Variants in SYNE2 observed in about 807,000 individuals in gnomAD.
SYNE2 encodes the protein nesprin-2.
In SYNE2, 431 loss-of-function variants were observed where a neutral mutation model predicts 856.3. That is an observed-to-expected ratio of 0.50 (90% confidence interval 0.47 to 0.55). The LOEUF (loss-of-function observed/expected upper bound fraction) is 0.55, where lower values mean the gene tolerates loss of function less well. SYNE2 is among the 20% of genes least tolerant of loss of function. The pLI, the probability that SYNE2 is intolerant of heterozygous loss-of-function variation, is 0.00. For missense variants in SYNE2, 8,129 were observed against 8,023.2 expected (o/e 1.01, Z -0.50); for synonymous variants, 2,923 against 2,872.3 (o/e 1.02, Z -0.56).
chr14:64,210,074 C>T lies in SYNE2; in HGVS notation c.18673C>T (p.Arg6225Cys), dbSNP rs773610152. 8 of 1,613,978 alleles carry T rather than the reference C, an allele frequency of 5.0e-6. No individual in the cohort carries two copies. Among genetic ancestry groups the T allele is most frequent in the African/African-American group, 2.7e-5 (2 of 74,930 alleles). The change falls in exon 103 of 116, where the codon CGC becomes TGC. Residue 6225 changes from arginine (R) to cysteine (C), a missense_variant. Arg to Cys is a radical substitution (Grantham distance 180, BLOSUM62 -3). Coordinates refer to ENST00000555002, the MANE Select transcript of SYNE2 (RefSeq NM_182914.3). ...GCAGATGGTCCACGAGGGCAACCAG[C>T]GCTGGGACAACCTTCAGAGGCGGGT... ...LKQMVHEGNQ[R>C]WDNLQRRVTA...
At chr14:64,114,352 C>T (rs1294962214) in intron 66 of SYNE2, among the ~76,000 whole-genome samples, 3 of 152,204 alleles carry the variant, frequency 2.0e-5, no homozygotes, top group Non-Finnish European at 4.4e-5. Context: ...CTCCCAGCTG[C>T]ACTTAGGAGA....
intron 58 of SYNE2, among the ~76,000 whole-genome samples, 158 bp downstream of exon 58, chr14:64,088,014 C>G (rs865927960): frequency 6.6e-5 from 10 of 152,130 alleles, no homozygotes; most frequent in Non-Finnish European, 1.5e-4. Context: ...GAAACCCTGT[C>G]TCTACTAAAA....
chr14:64,010,160 T>G, intron 32 of SYNE2, 44 bp downstream of exon 32: 3 of 1,575,430 alleles, frequency 1.9e-6, no homozygotes, highest in Non-Finnish European at 2.6e-6. Context: ...GTGACCTCAC[T>G]GACAGGCCTG....
chr14:63,974,900 A>ATATATG (rs2096528321), intron 11 of SYNE2, among the ~76,000 whole-genome samples: 1 of 38,218 alleles, frequency 2.6e-5, no homozygotes, highest in African/African-American at 1.0e-4. Flanking sequence ...GTGTATATAT[A>ATATATG]TATATATATA....
chr14:64,022,175 G>C (rs2096940405), intron 37 of SYNE2, 147 bp downstream of exon 37: 1 of 772,918 alleles, frequency 1.3e-6, no homozygotes, highest in African/African-American at 1.7e-5. Flanking sequence ...AATCTTTTGG[G>C]AGCAAAGACT....
At chr14:64,065,389 A>T in intron 50 of SYNE2, 43 bp from the exon 51 acceptor site, 1 of 1,559,936 alleles carries the variant, frequency 6.4e-7, no homozygotes, top group East Asian at 2.3e-5. Context: ...CAGGAAAACC[A>T]TAATAGTATG....
chr14:64,071,586 A>ATTTTTTCTCC (rs1407660470), intron 52 of SYNE2, among the ~76,000 whole-genome samples: 2 of 152,150 alleles, frequency 1.3e-5, no homozygotes, highest in Non-Finnish European at 2.9e-5. Flanking sequence ...ACTGCCAATC[A>ATTTTTTCTCC]TTTTTTCTCC....
intron 2 of SYNE2, among the ~76,000 whole-genome samples, chr14:63,926,825 A>G (rs1008378588): frequency 2.6e-5 from 4 of 152,230 alleles, no homozygotes; most frequent in Non-Finnish European, 5.9e-5. Context: ...GCTAAGTGCT[A>G]AATAGTGGGG....
chr14:63,927,047 GGA>G (rs1212116635), intron 2 of SYNE2, among the ~76,000 whole-genome samples: 1 of 152,214 alleles, frequency 6.6e-6, no homozygotes, highest in Non-Finnish European at 1.5e-5. Context: ...CAGGGGTGTA[GGA>G]GAGAGTAAGA....
At chr14:64,207,504 G>C (rs1363947964) in intron 100 of SYNE2, among the ~76,000 whole-genome samples, 1 of 149,582 alleles carries the variant, frequency 6.7e-6, no homozygotes, top group Non-Finnish European at 1.5e-5. Context: ...AGGTTTCCGT[G>C]AGCCAAGATC....
At position 64,098,039 on chromosome 14, in the gene SYNE2, C is replaced by G. The variant is rs746793070; in HGVS notation, c.12199C>G (p.Leu4067Val). The change falls in exon 62 of 116, where the codon CTT becomes GTT. Residue 4067 changes from leucine to valine, a missense_variant. Coordinates refer to ENST00000555002, the MANE Select transcript of SYNE2 (RefSeq NM_182914.3). The stretch of plus-strand genomic sequence containing the variant: ...GGACTTGAAGGCCACCGTACTAAAC[C>G]TTCACCAGCATTTGAAGCAAGAACA... ...LVDLKATVLN[L>V]HQHLKQEQEG... 2 of 1,614,164 alleles carry G rather than the reference C, an allele frequency of 1.2e-6. No homozygotes were observed. The highest frequency in any genetic ancestry group is 1.7e-5 in the Admixed American group (1 of 60,014).
chr14:64,140,374 G>T (rs1230702520), intron 80 of SYNE2, among the ~76,000 whole-genome samples: 2 of 152,160 alleles, frequency 1.3e-5, no homozygotes, highest in African/African-American at 4.8e-5. Context: ...GCTGAGATCG[G>T]GATTTCGATA....
chr14:64,187,696 C>T (rs1350690347), intron 97 of SYNE2, among the ~76,000 whole-genome samples: 1 of 152,162 alleles, frequency 6.6e-6, no homozygotes, highest in Non-Finnish European at 1.5e-5. Flanking sequence ...GAGAATTCAC[C>T]CTTGGTTTCC....
intron 1 of SYNE2, among the ~76,000 whole-genome samples, chr14:63,802,673 G>A (rs962083037): frequency 6.6e-6 from 1 of 152,136 alleles, no homozygotes; most frequent in Non-Finnish European, 1.5e-5. Flanking sequence ...AGACCCTCGC[G>A]GTGAGAATTA....
intron 1 of SYNE2, among the ~76,000 whole-genome samples, chr14:63,834,436 T>G (rs1218104675): frequency 6.6e-6 from 1 of 152,154 alleles, no homozygotes. Flanking sequence ...TTCTTCAGAC[T>G]GATTTAGTAA....
chr14:64,166,267 G>A (rs937789600), intron 90 of SYNE2, among the ~76,000 whole-genome samples: 3 of 152,062 alleles, frequency 2.0e-5, no homozygotes, highest in Admixed American at 6.6e-5. Flanking sequence ...CACGCTACAA[G>A]GGCAGAGTTG....
intron 45 of SYNE2, among the ~76,000 whole-genome samples, chr14:64,033,659 C>G (rs1029204089): frequency 1.3e-5 from 2 of 151,874 alleles, no homozygotes; most frequent in East Asian, 3.9e-4. Context: ...GCACTCAAGC[C>G]TGGGTGACAG....
At chr14:63,920,362 T>G (rs2095585270) in intron 2 of SYNE2, among the ~76,000 whole-genome samples, 2 of 150,778 alleles carry the variant, frequency 1.3e-5, no homozygotes, top group Admixed American at 1.3e-4. Flanking sequence ...ACATGAGCAG[T>G]GTGAAGATGA....
chr14:64,075,597 C>CTT lies in SYNE2; in HGVS notation c.10867-331_10867-330dup, dbSNP rs58200430. On this transcript the variant is annotated intron_variant, in intron 53 of 115. Transcript: ENST00000555002. ...ACAACAACAAAAAACTTCTTTGAAACTTTTTTTTTTTTTTTTTTGCTGCTT... is the reference window on the plus strand; with the variant it reads ...ACAACAACAAAAAACTTCTTTGAAACTTTTTTTTTTTTTTTTTTTTGCTGCTT... 7.0e-3 allele frequency: 1,151 copies of CTT among 163,834 alleles called. 13 individuals carry two copies. Among genetic ancestry groups the CTT allele is most frequent in the Non-Finnish European group, 7.4e-3 (585 of 79,444 alleles). 10.1% of individuals were successfully genotyped at this position (163,834 alleles called of 1,614,324 possible). A position where few individuals can be genotyped will look rare whatever the true frequency, so the allele number is the denominator to read the frequency against.
Sources: gnomAD v4.1 joint callset for allele counts (sites outside exome capture counted in the v4.1 genomes callset) on GRCh38, gnomAD v4.1.1 for gene constraint, MANE v1.5 for transcripts, NCBI Gene and HGNC (gene_info 2026-07-23, HGNC 2026-07-21) for gene names.